PTPRZ1: variants seen among roughly 807,000 people sequenced by gnomAD.
PTPRZ1 encodes protein tyrosine phosphatase receptor type Z1, also known as receptor-type tyrosine-protein phosphatase zeta.
In PTPRZ1, 82 loss-of-function variants were observed where a neutral mutation model predicts 214.1. The observed-to-expected ratio is 0.38, with a 90% CI of 0.32 to 0.46. The LOEUF is 0.46. PTPRZ1 is among the 20% of genes least tolerant of loss of function. The pLI, the probability that PTPRZ1 is intolerant of heterozygous loss-of-function variation, is 1.00. For missense variants in PTPRZ1, 2,603 were observed against 2,748.7 expected, an observed-to-expected ratio of 0.95 and a Z score of 1.19; for synonymous variants, 945 against 987.9, an observed-to-expected ratio of 0.96 and a Z score of 0.81.
chr7:121,876,518 G>A (rs112637800), intron 1 of PTPRZ1, among the ~76,000 whole-genome samples: 3,577 of 151,066 alleles, frequency 0.024, 55 homozygotes, highest in Non-Finnish European at 0.036. Flanking sequence ...TCCTCTGGAA[G>A]AATTAACTTC....
chr7:122,029,297 T>C (rs1422766066), intron 14 of PTPRZ1, among the ~76,000 whole-genome samples: 1 of 152,040 alleles, frequency 6.6e-6, no homozygotes, highest in Non-Finnish European at 1.5e-5. Flanking sequence ...CAGGGTCATT[T>C]TGATAGAGAC....
intron 6 of PTPRZ1, among the ~76,000 whole-genome samples, chr7:121,978,365 A>T (rs1158820583): frequency 6.6e-6 from 1 of 152,146 alleles, no homozygotes; most frequent in Non-Finnish European, 1.5e-5. Flanking sequence ...AGAGTAAGTG[A>T]TGTGTAAAAG....
Position 122,051,483 on chromosome 7 carries a change from G to A in PTPRZ1, c.6140G>A (p.Cys2047Tyr). The A allele has an allele frequency of 1.2e-6, 2 of 1,613,572 alleles. No individual in the cohort carries two copies. Among genetic ancestry groups the A allele is most frequent in the Non-Finnish European group, 1.7e-6 (2 of 1,179,666 alleles). ...QSDYSAALKQCNREKNRTSSI... is the reference protein window; with the variant it reads ...QSDYSAALKQYNREKNRTSSI... ...GACTATTCTGCAGCCCTAAAGCAAT[G>A]CAACAGGGAAAAGAATCGAACTTCT... The change falls in exon 24 of 30, where the codon TGC becomes TAC. Residue 2047 changes from cysteine (C) to tyrosine (Y), a missense_variant. Cys to Tyr is a radical substitution (Grantham distance 194, BLOSUM62 -2). This residue lies in a region of PTPRZ1 where 134 missense variants were observed against 183.3 expected (regional missense o/e 0.73). Coordinates refer to ENST00000393386, the MANE Select transcript of PTPRZ1 (RefSeq NM_002851.3).
chr7:121,974,739 C>T (rs1166993871), intron 4 of PTPRZ1, among the ~76,000 whole-genome samples: 2 of 152,226 alleles, frequency 1.3e-5, no homozygotes, highest in African/African-American at 4.8e-5. Flanking sequence ...CCACCCACCT[C>T]AGTCTCCCAA....
intron 1 of PTPRZ1, among the ~76,000 whole-genome samples, chr7:121,907,875 T>C (rs1563011905): frequency 6.6e-6 from 1 of 152,198 alleles, no homozygotes; most frequent in East Asian, 1.9e-4. Context: ...TTACTATTTT[T>C]TCAAATGAAA....
intron 2 of PTPRZ1, among the ~76,000 whole-genome samples, chr7:121,956,353 T>C (rs1796705917): frequency 6.6e-6 from 1 of 152,188 alleles, no homozygotes; most frequent in African/African-American, 2.4e-5. Flanking sequence ...ATTAACAGTA[T>C]ACAACAACTT....
chr7:121,915,588 T>C (rs1451682004), intron 1 of PTPRZ1, among the ~76,000 whole-genome samples: 1 of 152,190 alleles, frequency 6.6e-6, no homozygotes, highest in Non-Finnish European at 1.5e-5. Flanking sequence ...TAAAGAACTT[T>C]AGGCATTATA....
In PTPRZ1 at chr7:121,873,484, C is replaced by G. The variant is rs764687903; in HGVS notation, c.-16C>G. 15 of 1,613,628 alleles carry G rather than the reference C, an allele frequency of 9.3e-6. No homozygotes were observed. The highest frequency in any genetic ancestry group is 1.3e-5 in the African/African-American group (1 of 75,052). ...GCAGAGGAGCCGCACGGCGAGGGGCCGCAGACCGTCTGGAAATGCGAATCC... is the reference window on the plus strand; with the variant it reads ...GCAGAGGAGCCGCACGGCGAGGGGCGGCAGACCGTCTGGAAATGCGAATCC... On this transcript the variant is annotated 5_prime_UTR_variant, in exon 1 of 30. Coordinates refer to ENST00000393386, the MANE Select transcript of PTPRZ1 (RefSeq NM_002851.3).
intron 1 of PTPRZ1, among the ~76,000 whole-genome samples, chr7:121,891,289 T>C (rs1263054874): frequency 2.0e-5 from 3 of 151,970 alleles, no homozygotes; most frequent in South Asian, 2.1e-4. Context: ...TTAGTTCTTA[T>C]CACTCATGCA....
chr7:122,058,417 T>G (rs961995419), intron 27 of PTPRZ1, among the ~76,000 whole-genome samples: 1 of 152,014 alleles, frequency 6.6e-6, no homozygotes, highest in Non-Finnish European at 1.5e-5. Context: ...TACTGATAAG[T>G]GAAGAAAGTG....
chr7:121,928,361 T>C (rs1036884798), intron 2 of PTPRZ1, 140 bp downstream of exon 2: 19 of 543,512 alleles, frequency 3.5e-5, no homozygotes, highest in Admixed American at 1.0e-4. Context: ...TTAATAGATA[T>C]ATAAAATATA....
chr7:121,979,969 T>C (rs1199908025), intron 6 of PTPRZ1, among the ~76,000 whole-genome samples: 1 of 152,028 alleles, frequency 6.6e-6, no homozygotes, highest in Non-Finnish European at 1.5e-5. Context: ...AGGTGACTGC[T>C]ATTGAGGTCC....
chr7:121,909,747 A>G (rs2116302611), intron 1 of PTPRZ1, among the ~76,000 whole-genome samples: 1 of 152,288 alleles, frequency 6.6e-6, no homozygotes, highest in South Asian at 2.1e-4. Context: ...AAAAGGTAAT[A>G]TATAGTATCT....
Position 121,924,502 on chromosome 7 carries a change from A to G in PTPRZ1, c.59-3654A>G, listed in dbSNP as rs1584643780. Among the ~76,000 whole-genome samples, 4 of 152,318 alleles carry G rather than the reference A, an allele frequency of 2.6e-5. No individual in the cohort carries two copies. The East Asian group carries it at 7.7e-4, about 29-fold the overall frequency. On this transcript the variant is annotated intron_variant, in intron 1 of 29. Transcript: ENST00000393386. The stretch of plus-strand genomic sequence containing the variant: ...AAGGGAACAATACATAAAGGAACTG[A>G]AGAGAGCTACCAACACCTGGGAATC...
Position 122,012,702 on chromosome 7 carries a change from C to G in PTPRZ1, c.3656C>G (p.Ser1219Cys). 1 of 1,607,648 alleles carries G rather than the reference C, an allele frequency of 6.2e-7. No homozygotes were observed. Among genetic ancestry groups the G allele is most frequent in the Non-Finnish European group, 8.5e-7 (1 of 1,174,282 alleles). Residue 1219 changes from serine (S) to cysteine (C), a missense_variant, in exon 12 of 30, where the codon TCT (serine) becomes TGT (cysteine). By Grantham distance (112) the Ser-to-Cys change is moderately radical. This residue lies in a region of PTPRZ1 where 1,913 missense variants were observed against 1,914.3 expected (regional missense o/e 1.00). Coordinates refer to ENST00000393386, the MANE Select transcript of PTPRZ1 (RefSeq NM_002851.3). ...VETPKVDKIS[S>C]TMLHLIVSNS... ...ACCCCCAAAGTTGATAAAATTAGTT[C>G]TACAATGTTGCATCTCATTGTATCA...
chr7:122,034,565 A>G (rs1434435506), intron 17 of PTPRZ1, among the ~76,000 whole-genome samples, 187 bp downstream of exon 17: 1 of 152,158 alleles, frequency 6.6e-6, no homozygotes, highest in Non-Finnish European at 1.5e-5. Context: ...TACCTTCTGC[A>G]ATTAATAACA....
At chr7:122,030,728 G>A (rs1799345511) in intron 14 of PTPRZ1, among the ~76,000 whole-genome samples, 1 of 151,832 alleles carries the variant, frequency 6.6e-6, no homozygotes, top group African/African-American at 2.4e-5. Context: ...GAAATCACTT[G>A]TAAAATTGCA....
At chr7:122,055,637 G>C (rs1391826988) in intron 27 of PTPRZ1, among the ~76,000 whole-genome samples, 1 of 151,728 alleles carries the variant, frequency 6.6e-6, no homozygotes, top group African/African-American at 2.4e-5. Flanking sequence ...TATTACACAA[G>C]ATACTGTTGT....
In PTPRZ1 at chr7:122,059,816, A is replaced by C. The variant is rs1411531340; in HGVS notation, c.6735A>C (p.Lys2245Asn). ...CAACCCTTATGCACCAACTAGAAAA[A>C]GAAAATTCCGTGGATGTTTACCAGG... ...ALTTLMHQLE[K>N]ENSVDVYQVA... Residue 2245 changes from lysine (K) to asparagine (N), a missense_variant, in exon 29 of 30, where the codon AAA becomes AAC. Coordinates refer to ENST00000393386, the MANE Select transcript of PTPRZ1 (RefSeq NM_002851.3). The C allele has an allele frequency of 6.2e-7, 1 of 1,613,616 alleles. No individual in the cohort carries two copies. The highest frequency in any genetic ancestry group is 2.2e-5 in the East Asian group (1 of 44,844).
Sources: allele counts gnomAD v4.1 joint callset (sites outside exome capture counted in the v4.1 genomes callset), GRCh38; gene constraint gnomAD v4.1.1; regional missense constraint gnomAD v4.1.1; transcripts MANE v1.5; gene names NCBI Gene and HGNC (gene_info 2026-07-23, HGNC 2026-07-21).